SLC25A26: variants seen among roughly 807,000 people sequenced by gnomAD.
SLC25A26 encodes the protein mitochondrial S-adenosylmethionine carrier protein.
Under a neutral mutation model 37.8 loss-of-function variants are expected in SLC25A26, and 36 were observed. The ratio of observed to expected loss-of-function variants is 0.95; its 90% CI spans 0.73 to 1.26. The LOEUF is 1.26. Ranked by LOEUF, SLC25A26 falls within the 50% of genes most tolerant of loss-of-function variation. The pLI is 0.00. For missense variants in SLC25A26, 390 were observed against 331.1 expected (o/e 1.18, Z -1.38); for synonymous variants, 129 against 122.5 (o/e 1.05, Z -0.35).
chr3:66,204,440 GAA>G (rs1210041519), intron 1 of SLC25A26, among the ~76,000 whole-genome samples: 6 of 110,818 alleles, frequency 5.4e-5, no homozygotes, highest in Non-Finnish European at 1.0e-4. Flanking sequence ...AAAAAAAAAA[GAA>G]AAAAAGAAAA....
chr3:66,321,866 G>A (rs1025294719), intron 5 of SLC25A26, among the ~76,000 whole-genome samples: 2 of 151,872 alleles, frequency 1.3e-5, no homozygotes, highest in Admixed American at 1.3e-4. Context: ...CCACAGACTG[G>A]GTAATTTATA....
At chr3:66,286,113 C>G (rs918632444) in intron 5 of SLC25A26, among the ~76,000 whole-genome samples, 1 of 152,104 alleles carries the variant, frequency 6.6e-6, no homozygotes, top group Admixed American at 6.5e-5. Context: ...TCATCCTTTG[C>G]CCTTAGGTGA....
chr3:66,277,519 A>C (rs1010489774), intron 5 of SLC25A26, among the ~76,000 whole-genome samples: 1 of 152,100 alleles, frequency 6.6e-6, no homozygotes, highest in African/African-American at 2.4e-5. Flanking sequence ...AAGGTACAGC[A>C]TGAAAAGTGA....
chr3:66,229,625 C>T (rs149176804), intron 1 of SLC25A26, among the ~76,000 whole-genome samples: 4,763 of 152,282 alleles, frequency 0.031, 256 homozygotes, highest in African/African-American at 0.11. Context: ...CCCAGCAGTG[C>T]GGAGCTGTGA....
intron 5 of SLC25A26, among the ~76,000 whole-genome samples, chr3:66,341,428 GT>G: frequency 6.6e-6 from 1 of 152,024 alleles, no homozygotes; most frequent in African/African-American, 2.4e-5. Context: ...ACTCTAACAT[GT>G]AAAGTGATAC....
chr3:66,369,030 AAAAAAAAAAAAAACAAAAAC>A (rs1403952990), intron 7 of SLC25A26, among the ~76,000 whole-genome samples: 1 of 70,244 alleles, frequency 1.4e-5, no homozygotes, highest in East Asian at 5.6e-4. Context: ...CTTTTCAAAA[AAAAAAAAAAAAAACAAAAAC>A]AAAAAAAAAA....
intron 3 of SLC25A26, among the ~76,000 whole-genome samples, chr3:66,249,506 A>G (rs1370461134): frequency 2.0e-5 from 3 of 152,304 alleles, no homozygotes; most frequent in South Asian, 2.1e-4. Flanking sequence ...TTGTTTATCT[A>G]CTTAATATCA....
At chr3:66,370,715 T>C in intron 9 of SLC25A26, 113 bp downstream of exon 9, 1 of 792,934 alleles carries the variant, frequency 1.3e-6, no homozygotes, top group South Asian at 1.8e-5. Flanking sequence ...GCTTTGAGTT[T>C]CTATTTATTG....
intron 1 of SLC25A26, among the ~76,000 whole-genome samples, chr3:66,149,613 A>G (rs550422203): frequency 3.3e-5 from 5 of 152,340 alleles, no homozygotes; most frequent in African/African-American, 9.6e-5. Flanking sequence ...AGAAGAAAAT[A>G]ACATATGATT....
chr3:66,154,590 G>T (rs1319402386), intron 1 of SLC25A26, among the ~76,000 whole-genome samples: 1 of 143,618 alleles, frequency 7.0e-6, no homozygotes, highest in African/African-American at 2.6e-5. Flanking sequence ...CCCAGACTGA[G>T]TGCAGTGACG....
intron 5 of SLC25A26, among the ~76,000 whole-genome samples, chr3:66,283,702 G>A (rs1400177127): frequency 6.6e-6 from 1 of 152,098 alleles, no homozygotes; most frequent in East Asian, 1.9e-4. Context: ...CCCCATAATG[G>A]TTTTATTTAT....
chr3:66,300,042 T>C (rs2075026618), intron 5 of SLC25A26, among the ~76,000 whole-genome samples: 2 of 152,148 alleles, frequency 1.3e-5, no homozygotes, highest in South Asian at 4.1e-4. Flanking sequence ...TCTCCTTTGC[T>C]CTGGGAAGGG....
In SLC25A26 at chr3:66,334,738, AC is replaced by A. The variant is rs2076056466; in HGVS notation, c.454-11623del. 1.3e-5 allele frequency among the ~76,000 whole-genome samples: 2 copies of A among 152,056 alleles called. 1 individual carries two copies. The highest frequency in any genetic ancestry group is 4.1e-4 in the South Asian group (2 of 4,820). On this transcript the variant is annotated intron_variant, in intron 5 of 9. Coordinates refer to ENST00000354883, the MANE Select transcript of SLC25A26 (RefSeq NM_001379210.1). ...TCTGGATTGGATTCTGGGTAAGAAGACCCTCAGGGCAAAAGCCACAGCTTTG... is the reference window on the plus strand; with the variant it reads ...TCTGGATTGGATTCTGGGTAAGAAGACCTCAGGGCAAAAGCCACAGCTTTG...
At chr3:66,356,128 G>A (rs2076570120) in intron 6 of SLC25A26, 1 of 455,742 alleles carries the variant, frequency 2.2e-6, no homozygotes, top group Non-Finnish European at 4.4e-6. Context: ...TTTTCAGTGT[G>A]TTATTCATAA....
intron 1 of SLC25A26, among the ~76,000 whole-genome samples, chr3:66,229,755 A>G (rs2071924195): frequency 6.6e-6 from 1 of 152,226 alleles, no homozygotes; most frequent in Non-Finnish European, 1.5e-5. Context: ...TTGATGGCAA[A>G]GCTGTGTTCT....
chr3:66,330,784 C>A lies in SLC25A26; in HGVS notation c.454-15580C>A, dbSNP rs544494506. On this transcript the variant is annotated intron_variant, in intron 5 of 9. Transcript: ENST00000354883. Reference sequence around the variant, plus strand: ...CTGTCTATAAATTTTTTAAGTAACACTTCCTCAAATATGAAACTTTCTTAT... The same window carrying A: ...CTGTCTATAAATTTTTTAAGTAACAATTCCTCAAATATGAAACTTTCTTAT... Among the ~76,000 whole-genome samples, 8 of 152,128 alleles carry A rather than the reference C, an allele frequency of 5.3e-5. No homozygotes were observed. The East Asian group carries it at 1.4e-3, about 26-fold the overall frequency.
chr3:66,220,939 T>G, upstream of SLC25A26: 1 of 783,052 alleles, frequency 1.3e-6, no homozygotes, highest in Non-Finnish European at 2.1e-6. Context: ...TAGGCCCAGG[T>G]GTCTCGCGTT....
At chr3:66,304,304 G>C in intron 5 of SLC25A26, 1 of 398,378 alleles carries the variant, frequency 2.5e-6, no homozygotes, top group South Asian at 1.9e-5. Context: ...GGAATCTTGG[G>C]GGCCTCCCAC....
chr3:66,364,694 T>G (rs1392000493), intron 7 of SLC25A26, among the ~76,000 whole-genome samples: 1 of 152,190 alleles, frequency 6.6e-6, no homozygotes. Flanking sequence ...ACTATTTCAA[T>G]AAGAACAACT....
Sources: allele counts gnomAD v4.1 joint callset (sites outside exome capture counted in the v4.1 genomes callset), GRCh38; gene constraint gnomAD v4.1.1; transcripts MANE v1.5; gene names NCBI Gene and HGNC (gene_info 2026-07-23, HGNC 2026-07-21).